The following ZFHX3 variants were observed in gnomAD, a reference collection of about 807,000 sequenced individuals.
ZFHX3 encodes zinc finger homeobox protein 3.
Under a neutral mutation model 279.1 loss-of-function variants are expected in ZFHX3, and 42 were observed. The ratio of observed to expected loss-of-function variants is 0.15; its 90% CI spans 0.12 to 0.19. ZFHX3 has a LOEUF of 0.19. ZFHX3 is among the 10% of genes least tolerant of loss of function. ZFHX3 has a pLI of 1.00. For synonymous variants in ZFHX3, 2,293 were observed against 1,957.8 expected (o/e 1.17, Z -4.52); for missense variants, 4,981 against 4,754.0 (o/e 1.05, Z -1.40).
At chr16:73,481,155 C>G (rs976353734) in intron 2 of ZFHX3, among the ~76,000 whole-genome samples, 33 of 151,954 alleles carry the variant, frequency 2.2e-4, no homozygotes, top group African/African-American at 7.7e-4. Flanking sequence ...ATGGAGAAAC[C>G]CTGACTCTAT....
At chr16:73,259,655 T>C (rs535131355) in intron 4 of ZFHX3, among the ~76,000 whole-genome samples, 1 of 152,316 alleles carries the variant, frequency 6.6e-6, no homozygotes, top group African/African-American at 2.4e-5. Flanking sequence ...CAAATGCACA[T>C]GTATTTTCTT....
intron 3 of ZFHX3, among the ~76,000 whole-genome samples, chr16:73,387,739 C>A (rs2016929923): frequency 6.6e-6 from 1 of 151,892 alleles, no homozygotes; most frequent in African/African-American, 2.4e-5. Flanking sequence ...TTATTTAGAA[C>A]CATGTATAGT....
intron 7 of ZFHX3, 120 bp downstream of exon 7, chr16:72,811,457 T>C: frequency 9.0e-7 from 1 of 1,106,732 alleles, no homozygotes; most frequent in Non-Finnish European, 1.3e-6. Flanking sequence ...AAGGACTGTT[T>C]TCTGACGTTT....
intron 3 of ZFHX3, among the ~76,000 whole-genome samples, chr16:73,408,271 A>G (rs2017403456): frequency 6.6e-6 from 1 of 152,138 alleles, no homozygotes; most frequent in South Asian, 2.1e-4. Flanking sequence ...AGACGTGTGG[A>G]TGAAATGATC....
intron 4 of ZFHX3, among the ~76,000 whole-genome samples, chr16:73,260,218 T>A (rs2013780759): frequency 6.6e-6 from 1 of 152,204 alleles, no homozygotes; most frequent in Admixed American, 6.5e-5. Flanking sequence ...AAAAATAACA[T>A]GGAATTGACG....
intron 4 of ZFHX3, among the ~76,000 whole-genome samples, chr16:73,292,929 T>G (rs1214693857): frequency 6.6e-6 from 1 of 152,206 alleles, no homozygotes. Context: ...GTAGACAGTC[T>G]GCTGACAGTT....
upstream of ZFHX3, among the ~76,000 whole-genome samples, chr16:73,049,346 T>C (rs1026537859): frequency 6.6e-6 from 1 of 152,170 alleles, no homozygotes; most frequent in Non-Finnish European, 1.5e-5. Flanking sequence ...TAATGAACCA[T>C]GCAAGTGTTA....
chr16:72,850,267 T>G (rs543108969), intron 4 of ZFHX3, among the ~76,000 whole-genome samples: 1 of 152,266 alleles, frequency 6.6e-6, no homozygotes, highest in Admixed American at 6.5e-5. Flanking sequence ...CTACCTCACT[T>G]AGCACTTCAG....
intron 4 of ZFHX3, among the ~76,000 whole-genome samples, chr16:73,298,376 G>T (rs1165092098): frequency 6.6e-6 from 1 of 151,890 alleles, no homozygotes; most frequent in East Asian, 1.9e-4. Flanking sequence ...TAGAGATGGG[G>T]TTTCTCCATG....
At chr16:73,526,532 T>C (rs1013144298) in intron 2 of ZFHX3, among the ~76,000 whole-genome samples, 8 of 152,224 alleles carry the variant, frequency 5.3e-5, no homozygotes, top group African/African-American at 1.7e-4. Flanking sequence ...CGTTTCATAT[T>C]CAAAATGACC....
At chr16:73,315,668 G>A (rs116511082) in intron 4 of ZFHX3, among the ~76,000 whole-genome samples, 2,903 of 151,980 alleles carry the variant, frequency 0.019, 98 homozygotes, top group African/African-American at 0.066. Flanking sequence ...AGCCTTCAGC[G>A]GTAAAGAAGA....
chr16:73,651,883 C>A (rs1345434636), intron 2 of ZFHX3, among the ~76,000 whole-genome samples: 2 of 149,682 alleles, frequency 1.3e-5, no homozygotes, highest in African/African-American at 4.9e-5. Flanking sequence ...GACAAATTGA[C>A]TGGACATCTG....
intron 2 of ZFHX3, among the ~76,000 whole-genome samples, chr16:73,478,307 C>A (rs57990484): frequency 0.099 from 14,880 of 150,262 alleles, 1,107 homozygotes; most frequent in Admixed American, 0.24. Context: ...GTACTAAAAG[C>A]CATATGACAT....
intron 1 of ZFHX3, among the ~76,000 whole-genome samples, chr16:73,874,301 G>GA (rs936362474): frequency 3.3e-5 from 5 of 152,072 alleles, no homozygotes; most frequent in African/African-American, 7.2e-5. Context: ...ACAACTGTAA[G>GA]AAAAAAAATT....
At position 73,839,652 on chromosome 16, in the gene ZFHX3, A is replaced by C. The variant is rs181155207; in HGVS notation, c.-1608+51999T>G. Among the ~76,000 whole-genome samples the C allele has an allele frequency of 1.1e-3, 167 of 152,360 alleles. 1 individual carries two copies. Among genetic ancestry groups the C allele is most frequent in the Non-Finnish European group, 1.8e-4 (12 of 68,036 alleles). ...CTTGAGTCCATCATGATAAATTTACAGAATTAAAGTTCTCTTCACTTCCCT... is the reference window on the plus strand; with the variant it reads ...CTTGAGTCCATCATGATAAATTTACCGAATTAAAGTTCTCTTCACTTCCCT... On this transcript the variant is annotated intron_variant, in intron 1 of 17. Transcript: ENST00000641206.
At chr16:73,018,577 G>A (rs1003720869) in intron 1 of ZFHX3, among the ~76,000 whole-genome samples, 17 of 152,070 alleles carry the variant, frequency 1.1e-4, no homozygotes, top group South Asian at 2.1e-4. Context: ...CCAGCCTGGC[G>A]ACAGAGTGAG....
chr16:73,824,324 C>T (rs1383376788), intron 1 of ZFHX3, among the ~76,000 whole-genome samples: 7 of 150,890 alleles, frequency 4.6e-5, no homozygotes, highest in Non-Finnish European at 1.0e-4. Context: ...AGCAAATGCC[C>T]TTTTCTTAAT....
chr16:73,688,997 C>G (rs1188613232), intron 1 of ZFHX3, among the ~76,000 whole-genome samples: 1 of 152,162 alleles, frequency 6.6e-6, no homozygotes, highest in Admixed American at 6.5e-5. Flanking sequence ...TTGTGAATTG[C>G]CTGGTCTTGG....
chr16:73,108,683 G>A (rs1567390775), intron 7 of ZFHX3, among the ~76,000 whole-genome samples: 3 of 152,184 alleles, frequency 2.0e-5, no homozygotes, highest in African/African-American at 7.2e-5. Context: ...TGGAGTGCGG[G>A]GCACAGTCCT....
Sources: gnomAD v4.1 joint callset for allele counts (sites outside exome capture counted in the v4.1 genomes callset) on GRCh38, gnomAD v4.1.1 for gene constraint, MANE v1.5 for transcripts, NCBI Gene and HGNC (gene_info 2026-07-23, HGNC 2026-07-21) for gene names.